The following UBR3 variants were observed in gnomAD, a reference collection of about 807,000 sequenced individuals.
The protein encoded by UBR3 is ubiquitin protein ligase E3 component n-recognin 3, also known as E3 ubiquitin-protein ligase UBR3.
In UBR3, 85 loss-of-function variants were observed where a neutral mutation model predicts 243.2. The ratio of observed to expected loss-of-function variants is 0.35; its 90% CI spans 0.29 to 0.42. The LOEUF (loss-of-function observed/expected upper bound fraction) is 0.42. UBR3 is among the 10% of genes least tolerant of loss of function. The probability of loss-of-function intolerance (pLI) is 1.00; values close to 1 mark genes in which losing one functional copy is unlikely to be tolerated. For synonymous variants in UBR3, 748 were observed against 799.8 expected, an observed-to-expected ratio of 0.94 and a Z score of 1.09; for missense variants, 1,686 against 2,300.8, an observed-to-expected ratio of 0.73 and a Z score of 5.47.
intron 33 of UBR3, 78 bp downstream of exon 33, chr2:170,055,662 G>T: frequency 1.3e-6 from 2 of 1,530,116 alleles, no homozygotes; most frequent in Non-Finnish European, 1.8e-6. Flanking sequence ...AATAAGAGTA[G>T]GTGTTACAAA....
At chr2:169,973,497 A>C (rs959395924) in intron 24 of UBR3, among the ~76,000 whole-genome samples, 1 of 151,928 alleles carries the variant, frequency 6.6e-6, no homozygotes, top group Admixed American at 6.6e-5. Flanking sequence ...GAGGCATCAC[A>C]CTACCTGACT....
chr2:169,962,009 A>T (rs766959385), intron 24 of UBR3, among the ~76,000 whole-genome samples: 1 of 150,968 alleles, frequency 6.6e-6, no homozygotes, highest in South Asian at 2.1e-4. Flanking sequence ...GTGAAGGTAT[A>T]TTGTTTCTCA....
At chr2:169,935,380 G>A (rs940372883) in intron 19 of UBR3, among the ~76,000 whole-genome samples, 16 of 152,200 alleles carry the variant, frequency 1.1e-4, no homozygotes, top group Non-Finnish European at 2.1e-4. Flanking sequence ...TATTGCGCAG[G>A]CTGGTGTTGA....
At chr2:169,953,135 C>G (rs1010391099) in intron 23 of UBR3, among the ~76,000 whole-genome samples, 1 of 152,072 alleles carries the variant, frequency 6.6e-6, no homozygotes, top group African/African-American at 2.4e-5. Context: ...GGCCCTGATG[C>G]TATTGTAATA....
chr2:169,844,958 G>A (rs2082419594), intron 1 of UBR3, among the ~76,000 whole-genome samples: 1 of 151,860 alleles, frequency 6.6e-6, no homozygotes, highest in African/African-American at 2.4e-5. Context: ...TCTTAAGGTG[G>A]CAGCTTAGAT....
chr2:169,890,785 A>G (rs1201704728), intron 5 of UBR3, among the ~76,000 whole-genome samples: 1 of 148,478 alleles, frequency 6.7e-6, no homozygotes, highest in East Asian at 1.9e-4. Context: ...TCCTCTATTC[A>G]TTGTTTTAGT....
intron 24 of UBR3, among the ~76,000 whole-genome samples, chr2:169,986,189 G>A (rs975949632): frequency 6.6e-6 from 1 of 152,120 alleles, no homozygotes; most frequent in African/African-American, 2.4e-5. Flanking sequence ...TTGAGAGTGA[G>A]AAAGAAATAG....
intron 11 of UBR3, among the ~76,000 whole-genome samples, chr2:169,914,734 A>G (rs1052245018): frequency 8.5e-5 from 13 of 152,228 alleles, no homozygotes; most frequent in Non-Finnish European, 1.8e-4. Flanking sequence ...TATGCAAAAG[A>G]AAGACCATGT....
intron 32 of UBR3, among the ~76,000 whole-genome samples, chr2:170,042,081 A>C (rs1026122360): frequency 6.6e-6 from 1 of 152,210 alleles, no homozygotes. Flanking sequence ...CATTTTCATC[A>C]GCCCCAAAGG....
intron 1 of UBR3, among the ~76,000 whole-genome samples, chr2:169,862,172 T>C (rs1029408565): frequency 3.9e-5 from 6 of 152,204 alleles, no homozygotes; most frequent in Non-Finnish European, 5.9e-5. Context: ...TCTGATCTTA[T>C]GTGCATGCCG....
At chr2:169,894,646 A>C (rs1273297212) in intron 6 of UBR3, among the ~76,000 whole-genome samples, 1 of 152,134 alleles carries the variant, frequency 6.6e-6, no homozygotes, top group African/African-American at 2.4e-5. Context: ...ACCTGGGGAG[A>C]TGTGGTATGA....
At chr2:169,830,216 A>G (rs1304083006) in intron 1 of UBR3, among the ~76,000 whole-genome samples, 1 of 152,100 alleles carries the variant, frequency 6.6e-6, no homozygotes, top group African/African-American at 2.4e-5. Context: ...AAAATTAAAA[A>G]CGTGGTGTAT....
intron 11 of UBR3, among the ~76,000 whole-genome samples, chr2:169,917,704 T>C (rs758377695): frequency 1.8e-4 from 28 of 152,192 alleles, no homozygotes; most frequent in Non-Finnish European, 3.2e-4. Flanking sequence ...TATTTATTTA[T>C]TTATTATTTT....
intron 1 of UBR3, among the ~76,000 whole-genome samples, chr2:169,861,781 T>A (rs1234643255): frequency 6.6e-6 from 1 of 152,208 alleles, no homozygotes; most frequent in Admixed American, 6.5e-5. Flanking sequence ...CTGTCTCTTC[T>A]ACACAATTAT....
intron 1 of UBR3, among the ~76,000 whole-genome samples, chr2:169,835,696 C>T (rs1311702614): frequency 6.6e-6 from 1 of 152,112 alleles, no homozygotes; most frequent in Non-Finnish European, 1.5e-5. Context: ...CTGCCTTGGC[C>T]TCCCAAAGTG....
intron 5 of UBR3, among the ~76,000 whole-genome samples, chr2:169,890,246 C>T (rs2105323261): frequency 6.6e-6 from 1 of 152,166 alleles, no homozygotes; most frequent in South Asian, 2.1e-4. Context: ...ACTACTTTTA[C>T]CTTGGTTTTA....
At chr2:169,875,691 T>G (rs1322403250) in intron 2 of UBR3, 100 bp from the exon 3 acceptor site, 6 of 1,103,102 alleles carry the variant, frequency 5.4e-6, no homozygotes, top group Non-Finnish European at 7.4e-6. Flanking sequence ...ATACTATAAT[T>G]TAAGCCATTA....
intron 18 of UBR3, among the ~76,000 whole-genome samples, chr2:169,932,163 C>T (rs1040564743): frequency 1.3e-5 from 2 of 151,610 alleles, no homozygotes; most frequent in East Asian, 1.9e-4. Context: ...CTGCAACCTT[C>T]GCCTCCTGGG....
At chr2:169,849,241 A>G (rs902264442) in intron 1 of UBR3, among the ~76,000 whole-genome samples, 2 of 152,246 alleles carry the variant, frequency 1.3e-5, no homozygotes, top group African/African-American at 2.4e-5. Flanking sequence ...ACTGGGCTCA[A>G]TGAACACAAT....
Sources: gnomAD v4.1 joint callset for allele counts (sites outside exome capture counted in the v4.1 genomes callset) on GRCh38, gnomAD v4.1.1 for gene constraint, MANE v1.5 for transcripts, NCBI Gene and HGNC (gene_info 2026-07-23, HGNC 2026-07-21) for gene names.